Variants in BCAS3 observed in about 807,000 individuals in gnomAD.
The protein encoded by BCAS3 is BCAS3 microtubule associated cell migration factor, also known as BCAS4/BCAS3 fusion.
In BCAS3, 53 loss-of-function variants were observed where a neutral mutation model predicts 116.1. That is an observed-to-expected ratio of 0.46 (90% confidence interval 0.37 to 0.57). BCAS3 has a LOEUF of 0.57. Ranked by LOEUF, BCAS3 falls within the 20% of genes least tolerant of loss-of-function variation. The pLI is 0.00. For synonymous variants in BCAS3, 391 were observed against 408.2 expected (o/e 0.96, Z 0.51); for missense variants, 917 against 1,165.4 (o/e 0.79, Z 3.10).
chr17:60,912,326 G>T (rs2058557592), intron 12 of BCAS3, among the ~76,000 whole-genome samples: 1 of 152,034 alleles, frequency 6.6e-6, no homozygotes, highest in South Asian at 2.1e-4. Flanking sequence ...GAGCTGTTAA[G>T]GTATTAGCCT....
rs1439360895 is a variant in BCAS3, at chr17:61,040,867, G to A, written c.2004G>A (p.Gln668=). The A allele has an allele frequency of 1.9e-6, 3 of 1,613,818 alleles. No individual in the cohort carries two copies. Among genetic ancestry groups the A allele is most frequent in the Admixed American group, 3.3e-5 (2 of 60,014 alleles). ...TGCTCCTCGCTGCAGATGCAGTACA[G>A]TATTATCAGTTCCTGCTTGCTGGCC... ...HPLLLAADAV[Q]YYQFLLAGLV... is the part of the protein sequence containing the mutation. Residue 668 remains glutamine (Q), a synonymous_variant, in exon 19 of 24, where the codon CAG becomes CAA. Transcript: ENST00000407086.
intron 6 of BCAS3, among the ~76,000 whole-genome samples, chr17:60,763,322 G>A (rs1019832082): frequency 6.6e-6 from 1 of 152,306 alleles, no homozygotes; most frequent in African/African-American, 2.4e-5. Context: ...GTATGATACT[G>A]GCTGTGGGTT....
intron 20 of BCAS3, 76 bp from the exon 21 acceptor site, chr17:61,078,257 G>C: frequency 8.3e-7 from 1 of 1,205,800 alleles, no homozygotes; most frequent in East Asian, 2.4e-5. Context: ...GGTGTTAAGA[G>C]GAAGAATGGG....
chr17:61,141,709 C>T lies in BCAS3; in HGVS notation c.2425+57145C>T, dbSNP rs537785837. On this transcript the variant is annotated intron_variant, in intron 22 of 23. Transcript: ENST00000407086. The surrounding 1 kb of genome is among the most constrained non-coding windows in gnomAD (Gnocchi z 4.3). ...CGAGGTCAAGAGATCAAGACCATCCCGGCCAACATGATGAAACCCCACCTC... is the reference window on the plus strand; with the variant it reads ...CGAGGTCAAGAGATCAAGACCATCCTGGCCAACATGATGAAACCCCACCTC... 5.3e-5 allele frequency among the ~76,000 whole-genome samples: 8 copies of T among 151,680 alleles called. No individual in the cohort carries two copies. Among genetic ancestry groups the T allele is most frequent in the Admixed American group, 2.6e-4 (4 of 15,228 alleles).
intron 6 of BCAS3, among the ~76,000 whole-genome samples, chr17:60,805,835 A>AAAGAG (rs1036168995): frequency 4.6e-5 from 7 of 151,636 alleles, no homozygotes; most frequent in African/African-American, 1.7e-4. Flanking sequence ...TGTAAAAAAA[A>AAAGAG]AAGAGAAGTG....
rs2079482137 is a variant in BCAS3 at position 61,181,545 on chromosome 17, G to A, written c.2425+96981G>A. ...TTTAATCATTTCCCTTTGATAGTCT[G>A]GTCATTTCTTTTGTCTTTTGAAGAA... is the stretch of plus-strand genomic sequence containing the variant. On this transcript the variant is annotated intron_variant, in intron 22 of 23. Coordinates refer to ENST00000407086, the MANE Select transcript of BCAS3 (RefSeq NM_017679.5). This position sits in a 1 kb window ranked among gnomAD's most constrained non-coding sequence, Gnocchi z 5.0. 6.6e-6 allele frequency among the ~76,000 whole-genome samples: 1 copy of A among 152,102 alleles called. No individual in the cohort carries two copies.
chr17:60,739,878 T>C (rs2041359744), intron 5 of BCAS3, among the ~76,000 whole-genome samples: 1 of 143,604 alleles, frequency 7.0e-6, no homozygotes, highest in Non-Finnish European at 1.5e-5. Flanking sequence ...GTTTTTTTTG[T>C]TTTTGTTTTT....
intron 22 of BCAS3, among the ~76,000 whole-genome samples, chr17:61,237,378 A>G (rs754960407): frequency 3.3e-5 from 5 of 152,246 alleles, no homozygotes; most frequent in African/African-American, 4.8e-5. Context: ...GAGGATTGAA[A>G]AAAGGGCATT....
At chr17:60,783,072 A>AT in intron 6 of BCAS3, among the ~76,000 whole-genome samples, 1 of 152,328 alleles carries the variant, frequency 6.6e-6, no homozygotes. Context: ...ATATGCTGAT[A>AT]CATGTCATTA....
rs1185448423 is a variant in BCAS3, at chr17:61,077,759, G to A, written c.2131-574G>A. ...TAAAAGTGGATTGGGGTAATATTAG[G>A]GCAGTATAATAAATATTATAATATT... On this transcript the variant is annotated intron_variant, in intron 20 of 23. Coordinates refer to ENST00000407086, the MANE Select transcript of BCAS3 (RefSeq NM_017679.5). This position sits in a 1 kb window ranked among gnomAD's most constrained non-coding sequence, Gnocchi z 4.3. 2.0e-5 allele frequency among the ~76,000 whole-genome samples: 3 copies of A among 152,078 alleles called. No homozygotes were observed. The highest frequency in any genetic ancestry group is 2.9e-5 in the Non-Finnish European group (2 of 68,018).
chr17:60,998,483 A>G lies in BCAS3; in HGVS notation c.1486+8248A>G, dbSNP rs2063994946. Reference sequence around the variant, plus strand: ...TCCACCAACAGTGCATAAGTATTCTATTTTCTCTGCAGCCTCACCAACATC... The same window carrying G: ...TCCACCAACAGTGCATAAGTATTCTGTTTTCTCTGCAGCCTCACCAACATC... On this transcript the variant is annotated intron_variant, in intron 15 of 23. Transcript: ENST00000407086. 2.0e-5 allele frequency among the ~76,000 whole-genome samples: 3 copies of G among 152,020 alleles called. No individual in the cohort carries two copies. In the South Asian group the frequency reaches 6.2e-4, roughly 31 times the overall value.
intron 5 of BCAS3, among the ~76,000 whole-genome samples, chr17:60,718,038 G>A (rs2038833714): frequency 6.6e-6 from 1 of 152,124 alleles, no homozygotes; most frequent in Admixed American, 6.6e-5. Flanking sequence ...GTTAGGGTTC[G>A]CGCGCCTATG....
rs1259595886 is a variant in BCAS3, at chr17:61,376,623, G to A, written c.2593+8129G>A. ...CCAACTTCCTGGGTCCCCTTCTCAA[G>A]ATGCACAAGGGTGATTCATCTGTGC... On this transcript the variant is annotated intron_variant, in intron 23 of 23. Coordinates refer to ENST00000407086, the MANE Select transcript of BCAS3 (RefSeq NM_017679.5). The surrounding 1 kb of genome is among the most constrained non-coding windows in gnomAD (Gnocchi z 4.5). 6.6e-6 allele frequency among the ~76,000 whole-genome samples: 1 copy of A among 152,158 alleles called. No individual in the cohort carries two copies. The highest frequency in any genetic ancestry group is 1.5e-5 in the Non-Finnish European group (1 of 68,028).
Position 61,380,452 on chromosome 17 carries a change from C to G in BCAS3, c.2594-11525C>G, listed in dbSNP as rs763240623. On this transcript the variant is annotated intron_variant, in intron 23 of 23. Coordinates refer to ENST00000407086, the MANE Select transcript of BCAS3 (RefSeq NM_017679.5). The surrounding 1 kb of genome is among the most constrained non-coding windows in gnomAD (Gnocchi z 4.2). ...CTTTGATCTCAGCTCTTCCTGCTCT[C>G]TTAAAGGTCCAGTTTGTGATCCGCT... 16 of 1,527,540 alleles carry G rather than the reference C, an allele frequency of 1.0e-5. No individual in the cohort carries two copies. In the African/African-American group the frequency reaches 1.1e-4, roughly 10 times the overall value. The allele number at this position is 1,527,540 out of a possible 1,614,324, so 94.6% of individuals were successfully genotyped here. A position where few individuals can be genotyped will look rare whatever the true frequency, so the allele number is the denominator to read the frequency against.
intron 7 of BCAS3, among the ~76,000 whole-genome samples, chr17:60,845,732 A>G (rs1292404646): frequency 6.6e-6 from 1 of 151,258 alleles, no homozygotes; most frequent in Non-Finnish European, 1.5e-5. Flanking sequence ...CCTGTGTTCT[A>G]TTCTCTTGGT....
At chr17:60,924,075 G>A (rs1485246676) in intron 12 of BCAS3, among the ~76,000 whole-genome samples, 6 of 152,054 alleles carry the variant, frequency 3.9e-5, no homozygotes, top group South Asian at 4.1e-4. Context: ...TGGATAAAGC[G>A]CTAAGTGATT....
chr17:60,778,057 A>G (rs1345942716), intron 6 of BCAS3, among the ~76,000 whole-genome samples: 1 of 152,130 alleles, frequency 6.6e-6, no homozygotes, highest in Non-Finnish European at 1.5e-5. Context: ...GAGTTTAGAT[A>G]GTTCTTTACA....
intron 22 of BCAS3, among the ~76,000 whole-genome samples, chr17:61,268,227 A>C (rs867457249): frequency 1.4e-4 from 22 of 152,324 alleles, no homozygotes; most frequent in Middle Eastern, 6.8e-3. Context: ...CAAATTAATA[A>C]GACATAGACT....
intron 22 of BCAS3, among the ~76,000 whole-genome samples, chr17:61,357,507 C>T (rs1051038640): frequency 7.4e-5 from 11 of 148,846 alleles, no homozygotes; most frequent in African/African-American, 1.5e-4. Flanking sequence ...TGCAGTGGCG[C>T]GATCTCGGCT....
Sources: gnomAD v4.1 joint callset for allele counts (sites outside exome capture counted in the v4.1 genomes callset) on GRCh38, gnomAD v4.1.1 for gene constraint, Gnocchi (gnomAD v3.1) non-coding constraint, MANE v1.5 for transcripts, NCBI Gene and HGNC (gene_info 2026-07-23, HGNC 2026-07-21) for gene names.